TESMIN: variants seen among roughly 807,000 people sequenced by gnomAD.
TESMIN encodes CXC domain containing 2.
A neutral mutation model predicts 47.4 loss-of-function variants in TESMIN; 34 were observed. That is an observed-to-expected ratio of 0.72 (90% CI 0.55 to 0.96). The LOEUF (loss-of-function observed/expected upper bound fraction) is 0.96. TESMIN is among the 40% of genes least tolerant of loss of function. TESMIN has a pLI of 0.00. For synonymous variants in TESMIN, 278 were observed against 258.9 expected, an observed-to-expected ratio of 1.07 and a Z score of -0.71; for missense variants, 610 against 637.2, an observed-to-expected ratio of 0.96 and a Z score of 0.46.
At chr11:68,725,674 T>G (rs1946253909) in intron 6 of TESMIN, among the ~76,000 whole-genome samples, 1 of 152,138 alleles carries the variant, frequency 6.6e-6, no homozygotes, top group Non-Finnish European at 1.5e-5. Context: ...GTTCTCACTA[T>G]GTTGTCCAGG....
chr11:68,720,247 C>T (rs1054628149), intron 6 of TESMIN, among the ~76,000 whole-genome samples: 1 of 152,146 alleles, frequency 6.6e-6, no homozygotes, highest in African/African-American at 2.4e-5. Context: ...TTAACTCTTG[C>T]CCTTTTAATC....
chr11:68,738,860 A>C, intron 5 of TESMIN, 72 bp from the exon 6 acceptor site: 1 of 1,316,896 alleles, frequency 7.6e-7, no homozygotes, highest in Non-Finnish European at 1.1e-6. Context: ...CCAGCCCCCT[A>C]GATAAAAATG....
chr11:68,747,185 C>T, intron 3 of TESMIN, 23 bp downstream of exon 3: 4 of 1,608,844 alleles, frequency 2.5e-6, no homozygotes, highest in South Asian at 1.1e-5. Flanking sequence ...GTTAGTCCTA[C>T]ACATCTTCTT....
intron 3 of TESMIN, among the ~76,000 whole-genome samples, chr11:68,745,765 T>G (rs932483108): frequency 6.6e-6 from 1 of 152,214 alleles, no homozygotes; most frequent in Non-Finnish European, 1.5e-5. Context: ...CAGACCCCCC[T>G]TGGATACTGA....
rs1946577282 is a variant in TESMIN at position 68,750,370 on chromosome 11, G to A, written c.291C>T (p.Tyr97=). 1.3e-6 allele frequency: 2 copies of A among 1,511,058 alleles called. No individual in the cohort carries two copies. The highest frequency in any genetic ancestry group is 2.5e-5 in the East Asian group (1 of 40,186). 93.6% of individuals were successfully genotyped at this position (1,511,058 alleles called of 1,614,324 possible). The change falls in exon 2 of 10, where the codon TAC becomes TAT. Residue 97 remains tyrosine (Y), a synonymous_variant. Transcript: ENST00000255087. ...DSDGGELLGE[Y]PGIPELSALE... is the part of the protein sequence containing the mutation. ...GCGCGCTGAGCTCTGGGATCCCGGG[G>A]TACTCCCCGAGGAGCTCCCCGCCGT...
At chr11:68,733,919 T>C (rs1326874458) in intron 6 of TESMIN, among the ~76,000 whole-genome samples, 2 of 152,130 alleles carry the variant, frequency 1.3e-5, no homozygotes, top group Non-Finnish European at 2.9e-5. Flanking sequence ...CAGCCACACA[T>C]GCCCAGGGAG....
At chr11:68,708,639 A>C (rs1271128844) in intron 9 of TESMIN, 139 bp from the exon 10 acceptor site, 1 of 857,356 alleles carries the variant, frequency 1.2e-6, no homozygotes, top group African/African-American at 1.7e-5. Flanking sequence ...TGTCTTCCTC[A>C]TACTGGAAAC....
chr11:68,739,891 G>A (rs139525555), intron 5 of TESMIN, among the ~76,000 whole-genome samples: 13 of 152,214 alleles, frequency 8.5e-5, no homozygotes, highest in Non-Finnish European at 1.9e-4. Context: ...TTTGGAGAAA[G>A]GATGTCATAG....
At chr11:68,729,330 C>T (rs1405554380) in intron 6 of TESMIN, among the ~76,000 whole-genome samples, 1 of 151,078 alleles carries the variant, frequency 6.6e-6, no homozygotes, top group African/African-American at 2.4e-5. Context: ...TTGAGACCAT[C>T]CTGGCCAACA....
intron 6 of TESMIN, among the ~76,000 whole-genome samples, chr11:68,731,775 C>T (rs1946330087): frequency 6.6e-6 from 1 of 152,174 alleles, no homozygotes; most frequent in African/African-American, 2.4e-5. Context: ...CAGGGGTCTG[C>T]CACCAACAGA....
At position 68,710,927 on chromosome 11, in the gene TESMIN, G is replaced by T. The variant is rs1170929152; in HGVS notation, c.1281C>A (p.Ser427Arg). ...NYMQTGGLEG[S>R]HYLPPTKFSG... ...AAAATTTCGTTGGTGGCAGGTAATG[G>T]CTGCCTTCCAAACCTCCAGTCTGCA... The change falls in exon 9 of 10, where the codon AGC becomes AGA. Residue 427 changes from serine to arginine, a missense_variant. Coordinates refer to ENST00000255087, the MANE Select transcript of TESMIN (RefSeq NM_004923.3). The T allele has an allele frequency of 6.2e-7, 1 of 1,613,978 alleles. No homozygotes were observed. Among genetic ancestry groups the T allele is most frequent in the East Asian group, 2.2e-5 (1 of 44,876 alleles).
chr11:68,714,150 T>C (rs1227321511), intron 7 of TESMIN, among the ~76,000 whole-genome samples: 1 of 152,242 alleles, frequency 6.6e-6, no homozygotes. Context: ...ACAGTGGAAG[T>C]CTGTGGCCTC....
chr11:68,726,570 A>G (rs1946266888), intron 6 of TESMIN, among the ~76,000 whole-genome samples: 1 of 152,268 alleles, frequency 6.6e-6, no homozygotes, highest in Non-Finnish European at 1.5e-5. Context: ...TACTATAGTT[A>G]TGAGCTACAG....
intron 6 of TESMIN, among the ~76,000 whole-genome samples, chr11:68,732,055 G>A (rs1257256468): frequency 2.0e-5 from 3 of 152,208 alleles, no homozygotes; most frequent in African/African-American, 7.2e-5. Context: ...GTTGCATGTT[G>A]AGCACAGAAT....
chr11:68,715,341 G>A lies in TESMIN; in HGVS notation c.1020+496C>T, dbSNP rs1946124142. On this transcript the variant is annotated intron_variant, in intron 7 of 9. Coordinates refer to ENST00000255087, the MANE Select transcript of TESMIN (RefSeq NM_004923.3). The stretch of plus-strand genomic sequence containing the variant: ...ATCGGGGGCATCAAAGTAACCTTTT[G>A]CGTCTCTGGGAAAACCTAGATTCTT... Among the ~76,000 whole-genome samples the A allele has an allele frequency of 2.6e-5, 4 of 152,326 alleles. No homozygotes were observed. The South Asian group carries it at 8.3e-4, about 32-fold the overall frequency.
At chr11:68,744,380 G>A (rs535488414) in intron 4 of TESMIN, among the ~76,000 whole-genome samples, 2 of 152,176 alleles carry the variant, frequency 1.3e-5, no homozygotes, top group East Asian at 1.9e-4. Flanking sequence ...CCTAAAATAC[G>A]TCATTTACTC....
chr11:68,724,166 A>C (rs986150615), intron 6 of TESMIN, among the ~76,000 whole-genome samples: 1 of 152,254 alleles, frequency 6.6e-6, no homozygotes, highest in African/African-American at 2.4e-5. Flanking sequence ...CTTACAGTAC[A>C]TAATAATCAA....
intron 9 of TESMIN, 33 bp downstream of exon 9, chr11:68,710,841 C>G (rs370177326): frequency 3.8e-6 from 6 of 1,560,920 alleles, no homozygotes; most frequent in Non-Finnish European, 5.2e-6. Context: ...CCTCTGTTCC[C>G]TCTATTAGCA....
At chr11:68,706,982 C>A (rs1193885209), downstream of TESMIN, among the ~76,000 whole-genome samples, 1 of 152,220 alleles carries the variant, frequency 6.6e-6, no homozygotes, top group African/African-American at 2.4e-5. Context: ...AGTGCGCCTC[C>A]CTGTTCGCCG....
Sources: gnomAD v4.1 joint callset for allele counts (sites outside exome capture counted in the v4.1 genomes callset) on GRCh38, gnomAD v4.1.1 for gene constraint, MANE v1.5 for transcripts, NCBI Gene and HGNC (gene_info 2026-07-23, HGNC 2026-07-21) for gene names.